The following ZNF516 variants were observed in gnomAD, a reference collection of about 807,000 sequenced individuals.
ZNF516 encodes zinc finger protein 516.
Under a neutral mutation model 79.7 loss-of-function variants are expected in ZNF516, and 19 were observed. The observed-to-expected ratio is 0.24, with a 90% confidence interval of 0.17 to 0.35. The LOEUF is 0.35. ZNF516 is among the 10% of genes least tolerant of loss of function. The pLI is 1.00. For synonymous variants in ZNF516, 877 were observed against 739.5 expected (o/e 1.19, Z -3.02); for missense variants, 1,678 against 1,679.5 (o/e 1.00, Z 0.02).
chr18:76,428,342 G>A (rs976285675), intron 3 of ZNF516, among the ~76,000 whole-genome samples: 4 of 149,676 alleles, frequency 2.7e-5, no homozygotes, highest in Admixed American at 6.7e-5. Flanking sequence ...GCAGTGAGCC[G>A]AGATCGCACC....
At chr18:76,398,772 G>A (rs1185090667) in intron 3 of ZNF516, among the ~76,000 whole-genome samples, 1 of 152,188 alleles carries the variant, frequency 6.6e-6, no homozygotes, top group Admixed American at 6.5e-5. Flanking sequence ...ACACTTCTCC[G>A]ACTTAAAGCC....
At chr18:76,480,873 T>A (rs1422832479) in intron 1 of ZNF516, among the ~76,000 whole-genome samples, 2 of 151,892 alleles carry the variant, frequency 1.3e-5, no homozygotes, top group Non-Finnish European at 2.9e-5. Flanking sequence ...AAAAGAAGAG[T>A]ATTTTGTGAC....
rs567539151 is a variant in ZNF516 at position 76,465,924 on chromosome 18, G to A, written c.-271-2783C>T. ...CACAGGCTCCCAGATGGGCTCCTGG[G>A]ACAGCAAAGGCGAAATCCCAGGAAC... is the stretch of plus-strand genomic sequence containing the variant. On this transcript the variant is annotated intron_variant, in intron 1 of 6. Coordinates refer to ENST00000443185, the MANE Select transcript of ZNF516 (RefSeq NM_014643.4). Among the ~76,000 whole-genome samples, 55 of 152,280 alleles carry A rather than the reference G, an allele frequency of 3.6e-4. 1 individual carries two copies. In the South Asian group the frequency reaches 8.3e-3, roughly 23 times the overall value.
chr18:76,379,773 T>A lies in ZNF516; in HGVS notation c.2341A>T (p.Ile781Phe). ...YPEVLWMHKR[I>F]WHRVSCNSVA... ...GAGTTGCAGCTGACGCGGTGCCAGA[T>A]GCGTTTGTGCATCCACAGGACCTCG... is the stretch of plus-strand genomic sequence containing the variant. The change falls in exon 4 of 7, where the codon ATC becomes TTC. Residue 781 changes from isoleucine (I) to phenylalanine (F), a missense_variant. Physicochemically the swap from Ile to Phe is conservative, Grantham distance 21. Transcript: ENST00000443185. 3.1e-6 allele frequency: 5 copies of A among 1,613,884 alleles called. No individual in the cohort carries two copies. The highest frequency in any genetic ancestry group is 3.4e-6 in the Non-Finnish European group (4 of 1,179,850).
intron 3 of ZNF516, among the ~76,000 whole-genome samples, chr18:76,408,285 T>C (rs8090668): frequency 0.018 from 2,774 of 152,248 alleles, 47 homozygotes; most frequent in African/African-American, 0.039. Flanking sequence ...ACAATGACTG[T>C]TTCCAAGGTG....
intron 3 of ZNF516, among the ~76,000 whole-genome samples, chr18:76,417,669 A>G (rs547650048): frequency 8.5e-5 from 13 of 152,344 alleles, no homozygotes; most frequent in African/African-American, 2.9e-4. Flanking sequence ...AATTAACTAT[A>G]TTAACTTGGT....
chr18:76,423,513 C>T (rs2075537400), intron 3 of ZNF516, among the ~76,000 whole-genome samples: 1 of 149,696 alleles, frequency 6.7e-6, no homozygotes. Context: ...GAAAAGGTTC[C>T]CCCGAAACAC....
chr18:76,391,157 G>T (rs187225162), intron 3 of ZNF516, among the ~76,000 whole-genome samples: 1 of 152,282 alleles, frequency 6.6e-6, no homozygotes, highest in East Asian at 1.9e-4. Context: ...GAAAAGAAAA[G>T]AGAAAATGAT....
intron 1 of ZNF516, among the ~76,000 whole-genome samples, chr18:76,479,409 T>C (rs1384461960): frequency 6.6e-6 from 1 of 152,230 alleles, no homozygotes; most frequent in Non-Finnish European, 1.5e-5. Context: ...TCAGTCTGCA[T>C]CTGCAATTCT....
intron 3 of ZNF516, among the ~76,000 whole-genome samples, chr18:76,381,513 T>C (rs764316961): frequency 2.0e-5 from 3 of 152,226 alleles, no homozygotes; most frequent in Non-Finnish European, 4.4e-5. Context: ...TAACTCAGAA[T>C]GTTCCTTTAA....
At chr18:76,437,151 CAGAA>C (rs1458141503) in intron 3 of ZNF516, among the ~76,000 whole-genome samples, 2 of 151,188 alleles carry the variant, frequency 1.3e-5, no homozygotes, top group African/African-American at 4.9e-5. Flanking sequence ...TGTGTTCTAT[CAGAA>C]AGAAAGAAGG....
At chr18:76,490,702 G>A in intron 1 of ZNF516, 3 of 911,486 alleles carry the variant, frequency 3.3e-6, no homozygotes, top group Non-Finnish European at 3.9e-6. Flanking sequence ...ATTCGAAACT[G>A]CATGGCAGGC....
intron 1 of ZNF516, among the ~76,000 whole-genome samples, chr18:76,485,466 C>T (rs1465265991): frequency 6.6e-6 from 1 of 152,196 alleles, no homozygotes; most frequent in African/African-American, 2.4e-5. Context: ...TCCACATATG[C>T]CTTGCTTTGG....
At chr18:76,456,261 G>A (rs1645843728) in intron 2 of ZNF516, among the ~76,000 whole-genome samples, 1 of 152,246 alleles carries the variant, frequency 6.6e-6, no homozygotes, top group African/African-American at 2.4e-5. Flanking sequence ...GGGGCGATGA[G>A]CAGTAGTGCC....
At chr18:76,422,884 A>G (rs1416615603) in intron 3 of ZNF516, among the ~76,000 whole-genome samples, 1 of 152,224 alleles carries the variant, frequency 6.6e-6, no homozygotes, top group Non-Finnish European at 1.5e-5. Flanking sequence ...CTCCATACAA[A>G]TCCTTAAGAA....
At chr18:76,448,443 G>A (rs530419306) in intron 2 of ZNF516, among the ~76,000 whole-genome samples, 75 of 152,152 alleles carry the variant, frequency 4.9e-4, no homozygotes, top group Non-Finnish European at 9.1e-4. Context: ...CACACGCCCC[G>A]GTAAGCTGCT....
At chr18:76,369,250 TTTAC>T (rs752571542) in intron 6 of ZNF516, among the ~76,000 whole-genome samples, 16 of 152,350 alleles carry the variant, frequency 1.1e-4, no homozygotes, top group East Asian at 3.9e-4. Flanking sequence ...AGCAAGATGT[TTTAC>T]TTACTTATTT....
intron 1 of ZNF516, chr18:76,491,177 G>A (rs1371714857): frequency 1.1e-6 from 1 of 902,052 alleles, no homozygotes; most frequent in African/African-American, 1.8e-5. Flanking sequence ...GCCGCGCCTC[G>A]GCCCCCGGAG....
intron 4 of ZNF516, among the ~76,000 whole-genome samples, chr18:76,372,019 G>A (rs751076759): frequency 5.3e-5 from 8 of 152,050 alleles, no homozygotes; most frequent in African/African-American, 1.7e-4. Flanking sequence ...GGAGACCCAC[G>A]CAGAGTGAGT....
Sources: gnomAD v4.1 joint callset for allele counts (sites outside exome capture counted in the v4.1 genomes callset) on GRCh38, gnomAD v4.1.1 for gene constraint, MANE v1.5 for transcripts, NCBI Gene and HGNC (gene_info 2026-07-23, HGNC 2026-07-21) for gene names.